The following RERE variants were observed in gnomAD, a reference collection of about 807,000 sequenced individuals.
RERE encodes the protein arginine-glutamic acid dipeptide repeats protein.
A neutral mutation model predicts 146.1 loss-of-function variants in RERE; 40 were observed. The observed-to-expected ratio is 0.27, with a 90% CI of 0.21 to 0.36. The LOEUF is 0.36. Ranked by LOEUF, RERE falls within the 10% of genes least tolerant of loss-of-function variation. The pLI is 1.00. For synonymous variants in RERE, 1,003 were observed against 866.0 expected, an observed-to-expected ratio of 1.16 and a Z score of -2.78; for missense variants, 1,933 against 2,138.7, an observed-to-expected ratio of 0.90 and a Z score of 1.90.
At chr1:8,622,958 G>A (rs1485274231) in intron 3 of RERE, among the ~76,000 whole-genome samples, 1 of 152,142 alleles carries the variant, frequency 6.6e-6, no homozygotes, top group African/African-American at 2.4e-5. Context: ...GGAAATAAGA[G>A]CATTCACAGA....
intron 12 of RERE, among the ~76,000 whole-genome samples, chr1:8,399,078 G>T: frequency 1.3e-5 from 2 of 150,184 alleles, no homozygotes; most frequent in African/African-American, 4.9e-5. Context: ...TTTTTCTATT[G>T]AACTGCTTGT....
intron 10 of RERE, among the ~76,000 whole-genome samples, chr1:8,483,578 T>G (rs1644862295): frequency 1.3e-5 from 2 of 152,222 alleles, no homozygotes; most frequent in Non-Finnish European, 2.9e-5. Context: ...GATGATCAAG[T>G]GTGATATGAA....
chr1:8,480,974 A>C (rs1039207728), intron 10 of RERE, among the ~76,000 whole-genome samples: 2 of 152,234 alleles, frequency 1.3e-5, no homozygotes, highest in African/African-American at 4.8e-5. Context: ...AACTTATGCC[A>C]AACAAAAGTA....
At chr1:8,735,222 G>A (rs1239425947) in intron 1 of RERE, among the ~76,000 whole-genome samples, 2 of 152,148 alleles carry the variant, frequency 1.3e-5, no homozygotes, top group Admixed American at 1.3e-4. Context: ...CTAAGGACTA[G>A]GAGGTGGAGA....
At chr1:8,784,169 A>G (rs1411814743) in intron 1 of RERE, among the ~76,000 whole-genome samples, 1 of 152,058 alleles carries the variant, frequency 6.6e-6, no homozygotes, top group East Asian at 1.9e-4. Flanking sequence ...GGACCTTTCC[A>G]CTGACTATTC....
intron 12 of RERE, among the ~76,000 whole-genome samples, chr1:8,397,401 G>A (rs1273490579): frequency 6.9e-6 from 1 of 145,472 alleles, no homozygotes; most frequent in Non-Finnish European, 1.5e-5. Context: ...TCATTACTGA[G>A]GAACTTAAAT....
chr1:8,368,700 T>C (rs1020614154), intron 12 of RERE, among the ~76,000 whole-genome samples: 3 of 152,100 alleles, frequency 2.0e-5, no homozygotes, highest in Non-Finnish European at 2.9e-5. Flanking sequence ...TTATAATCAA[T>C]TATTTCTATT....
At position 8,423,523 on chromosome 1, in the gene RERE, C is replaced by G; in HGVS notation, c.1204-716G>C. 3.0e-6 allele frequency: 3 copies of G among 984,120 alleles called. No individual in the cohort carries two copies. The highest frequency in any genetic ancestry group is 3.6e-6 in the Non-Finnish European group (3 of 828,732). The allele number at this position is 984,120 out of a possible 1,614,324, so 61.0% of individuals were successfully genotyped here. On this transcript the variant is annotated intron_variant, in intron 11 of 22. Transcript: ENST00000400908. The surrounding 1 kb of genome is among the most constrained non-coding windows in gnomAD (Gnocchi z 5.4). Reference sequence around the variant, plus strand: ...CCCATGCCTCCCGAGCACCCCTCCCCGCCCCGGTGGGGGCAGCTCCTGGCT... The same window carrying G: ...CCCATGCCTCCCGAGCACCCCTCCCGGCCCCGGTGGGGGCAGCTCCTGGCT...
At chr1:8,568,976 T>C (rs907715564) in intron 4 of RERE, among the ~76,000 whole-genome samples, 4 of 152,186 alleles carry the variant, frequency 2.6e-5, no homozygotes, top group Non-Finnish European at 4.4e-5. Context: ...AGGGTCAATT[T>C]GGCAAGACGA....
rs755406568 is a variant in RERE at position 8,741,006 on chromosome 1, C to T, written c.-145+76154G>A. On this transcript the variant is annotated intron_variant, in intron 1 of 22. Coordinates refer to ENST00000400908, the MANE Select transcript of RERE (RefSeq NM_001042681.2). ...ACTATCAAGTATTACGTACTGTCCA[C>T]GATTGAATGTGCTATATTTCATATA... Among the ~76,000 whole-genome samples the T allele has an allele frequency of 2.0e-5, 3 of 152,166 alleles. No homozygotes were observed. The East Asian group carries it at 5.8e-4, about 29-fold the overall frequency.
intron 4 of RERE, among the ~76,000 whole-genome samples, chr1:8,565,802 G>A (rs559303741): frequency 1.3e-5 from 2 of 152,274 alleles, no homozygotes; most frequent in East Asian, 3.9e-4. Flanking sequence ...CAAAACGCCA[G>A]GAAAGAGGTA....
intron 20 of RERE, among the ~76,000 whole-genome samples, chr1:8,357,068 C>T (rs963848151): frequency 6.6e-6 from 1 of 152,204 alleles, no homozygotes; most frequent in South Asian, 2.1e-4. Context: ...CTCCTGATCC[C>T]CTCTTCTGGA....
intron 3 of RERE, among the ~76,000 whole-genome samples, chr1:8,619,773 G>T (rs545437207): frequency 2.0e-5 from 3 of 152,128 alleles, no homozygotes; most frequent in Admixed American, 2.0e-4. Flanking sequence ...ATAAAAATAT[G>T]ATTTTATTGT....
intron 12 of RERE, among the ~76,000 whole-genome samples, chr1:8,372,225 T>C (rs1205378358): frequency 6.6e-6 from 1 of 152,174 alleles, no homozygotes; most frequent in Non-Finnish European, 1.5e-5. Flanking sequence ...GCTTCTCTTC[T>C]GCCCGAGCCC....
chr1:8,402,057 C>T (rs368193094), intron 12 of RERE, among the ~76,000 whole-genome samples: 5 of 152,038 alleles, frequency 3.3e-5, no homozygotes, highest in African/African-American at 9.7e-5. Flanking sequence ...TTAGTAGAGA[C>T]GAGGTTTCAC....
At chr1:8,678,576 G>A (rs1382550571) in intron 1 of RERE, among the ~76,000 whole-genome samples, 3 of 152,044 alleles carry the variant, frequency 2.0e-5, no homozygotes, top group Admixed American at 6.6e-5. Flanking sequence ...GAACCGAATC[G>A]ATTGAACCTG....
At chr1:8,492,273 A>G (rs192395526) in intron 10 of RERE, among the ~76,000 whole-genome samples, 78 of 152,314 alleles carry the variant, frequency 5.1e-4, no homozygotes, top group African/African-American at 1.8e-3. Flanking sequence ...AAGTAGCCAA[A>G]ATGATTTCTA....
At chr1:8,568,917 C>A (rs1646184642) in intron 4 of RERE, among the ~76,000 whole-genome samples, 2 of 152,164 alleles carry the variant, frequency 1.3e-5, no homozygotes, top group Admixed American at 6.5e-5. Flanking sequence ...CTGACTAATA[C>A]ACTGACAAAT....
chr1:8,605,497 T>A (rs1188843893), intron 4 of RERE, among the ~76,000 whole-genome samples: 1 of 151,682 alleles, frequency 6.6e-6, no homozygotes, highest in African/African-American at 2.4e-5. Flanking sequence ...AATCCCAGGG[T>A]GATTGGATTG....
Sources: allele counts gnomAD v4.1 joint callset (sites outside exome capture counted in the v4.1 genomes callset), GRCh38; gene constraint gnomAD v4.1.1; non-coding constraint Gnocchi (gnomAD v3.1); transcripts MANE v1.5; gene names NCBI Gene and HGNC (gene_info 2026-07-23, HGNC 2026-07-21).